Variants in FEV observed in about 807,000 individuals in gnomAD.
The protein encoded by FEV is FEV transcription factor, ETS family member, also known as protein FEV.
FEV carries 14 observed loss-of-function variants against 20.5 expected under a neutral mutation model. The ratio of observed to expected loss-of-function variants is 0.68; its 90% CI spans 0.45 to 1.07. FEV has a LOEUF of 1.07. FEV is among the 50% of genes least tolerant of loss of function. The pLI is 0.00. For missense variants in FEV, 301 were observed against 345.3 expected (o/e 0.87, Z 1.02); for synonymous variants, 188 against 163.7 (o/e 1.15, Z -1.13).
At position 218,984,933 on chromosome 2, in the gene FEV, C is replaced by T. The variant is rs1417872761; in HGVS notation, c.52+91G>A. 8.3e-7 allele frequency: 1 copy of T among 1,211,164 alleles called. No homozygotes were observed. Among genetic ancestry groups the T allele is most frequent in the Non-Finnish European group, 1.2e-6 (1 of 838,636 alleles). 75.0% of individuals were successfully genotyped at this position (1,211,164 alleles called of 1,614,324 possible). On this transcript the variant is annotated intron_variant, in intron 1 of 2. Coordinates refer to ENST00000295727, the MANE Select transcript of FEV (RefSeq NM_017521.3). The surrounding 1 kb of genome is among the most constrained non-coding windows in gnomAD (Gnocchi z 5.0). Reference sequence around the variant, plus strand: ...CCCGAATCTCCGGACACTTCTCCTTCCCCTGGACCCCAGCACTCTCTTCCC... The same window carrying T: ...CCCGAATCTCCGGACACTTCTCCTTTCCCTGGACCCCAGCACTCTCTTCCC...
intron 2 of FEV, among the ~76,000 whole-genome samples, chr2:218,983,437 G>A (rs1454141923): frequency 6.6e-6 from 1 of 152,210 alleles, no homozygotes; most frequent in African/African-American, 2.4e-5. Context: ...CTTCAAGCCA[G>A]CCCAGCAAAG....
At position 218,985,095 on chromosome 2, in the gene FEV, G is replaced by A. The variant is rs756420197; in HGVS notation, c.-20C>T. On this transcript the variant is annotated 5_prime_UTR_variant, in exon 1 of 3. Coordinates refer to ENST00000295727, the MANE Select transcript of FEV (RefSeq NM_017521.3). ...TCTCATCGCCGCCGGGGACTGGGCG[G>A]TGGGAGATGGGGGGGACGGGGAAGG... 7 of 1,530,548 alleles carry A rather than the reference G, an allele frequency of 4.6e-6. No individual in the cohort carries two copies. The East Asian group carries it at 7.6e-5, about 17-fold the overall frequency. The allele number at this position is 1,530,548 out of a possible 1,614,324, so 94.8% of individuals were successfully genotyped here.
In FEV at chr2:218,984,394, G is replaced by T. The variant is rs1336683075; in HGVS notation, c.53-89C>A. ...GGCCCCGGGCCAAGGCTTAAGGGGG[G>T]TGCTGTGGTCCCCAGGCGCGAGGCT... On this transcript the variant is annotated intron_variant, in intron 1 of 2. Coordinates refer to ENST00000295727, the MANE Select transcript of FEV (RefSeq NM_017521.3). This position sits in a 1 kb window ranked among gnomAD's most constrained non-coding sequence, Gnocchi z 5.0. 3.9e-6 allele frequency: 5 copies of T among 1,294,514 alleles called. No individual in the cohort carries two copies. The highest frequency in any genetic ancestry group is 1.5e-5 in the South Asian group (1 of 67,484). The allele number at this position is 1,294,514 out of a possible 1,614,324, so 80.2% of individuals were successfully genotyped here.
At position 218,981,797 on chromosome 2, in the gene FEV, G is replaced by T. The variant is rs1459252291; in HGVS notation, c.587C>A (p.Pro196Gln). 1.3e-5 allele frequency: 16 copies of T among 1,253,912 alleles called. No homozygotes were observed. Among genetic ancestry groups the T allele is most frequent in the African/African-American group, 3.1e-5 (2 of 64,056 alleles). 77.7% of individuals were successfully genotyped at this position (1,253,912 alleles called of 1,614,324 possible). A position where few individuals can be genotyped will look rare whatever the true frequency, so the allele number is the denominator to read the frequency against. Residue 196 changes from proline (P) to glutamine (Q), a missense_variant, in exon 3 of 3, where the codon CCG (proline) becomes CAG (glutamine). Transcript: ENST00000295727. The surrounding 1 kb of genome is among the most constrained non-coding windows in gnomAD (Gnocchi z 4.5). ...GVAPAGFSYW[P>Q]GPGPAATAAA... is the part of the protein sequence containing the mutation. ...AGCGGTGGCGGCGGGGCCCGGGCCC[G>T]GCCAGTAGGAGAAGCCGGCGGGCGC...
rs546967536 is a variant in FEV at position 218,981,694 on chromosome 2, G to T, written c.690C>A (p.Ala230=). 1.5e-4 allele frequency: 195 copies of T among 1,342,696 alleles called. 2 individuals are homozygous for T. The East Asian group carries it at 5.2e-3, about 36-fold the overall frequency. The allele number at this position is 1,342,696 out of a possible 1,614,324, so 83.2% of individuals were successfully genotyped here. Reference sequence around the variant, plus strand: ...AGTGGTAATGGCCCCCCAAGTGCGAGGCTGCGGCCACGGCCCCGAAGGGCC... The same window carrying T: ...AGTGGTAATGGCCCCCCAAGTGCGATGCTGCGGCCACGGCCCCGAAGGGCC... ...PPGPFGAVAA[A]SHLGGHYH The change falls in exon 3 of 3, where the codon GCC becomes GCA. Residue 230 remains alanine, a synonymous_variant. Transcript: ENST00000295727. The surrounding 1 kb of genome is among the most constrained non-coding windows in gnomAD (Gnocchi z 4.5).
chr2:218,981,946 G>T lies in FEV; in HGVS notation c.438C>A (p.Ala146=). ...QPPPAHAHAA[A]AAAAAAAAAQ... ...CGGCCGCGGCGGCGGCAGCAGCTGC[G>T]GCGGCGGCATGAGCGTGCGCGGGCG... The change falls in exon 3 of 3, where the codon GCC becomes GCA. Residue 146 remains alanine, a synonymous_variant. Coordinates refer to ENST00000295727, the MANE Select transcript of FEV (RefSeq NM_017521.3). The surrounding 1 kb of genome is among the most constrained non-coding windows in gnomAD (Gnocchi z 4.5). 2.8e-6 allele frequency: 4 copies of T among 1,443,516 alleles called. No homozygotes were observed. Among genetic ancestry groups the T allele is most frequent in the Non-Finnish European group, 3.6e-6 (4 of 1,102,814 alleles). The allele number at this position is 1,443,516 out of a possible 1,614,324, so 89.4% of individuals were successfully genotyped here.
At chr2:218,982,531 G>A (rs1248038542) in intron 2 of FEV, among the ~76,000 whole-genome samples, 1 of 152,158 alleles carries the variant, frequency 6.6e-6, no homozygotes, top group Non-Finnish European at 1.5e-5. Context: ...GAACTTGGGG[G>A]TTGGGGGGAA....
At position 218,981,971 on chromosome 2, in the gene FEV, G is replaced by C. The variant is rs766366402; in HGVS notation, c.413C>G (p.Pro138Arg). The stretch of plus-strand genomic sequence containing the variant: ...GGCGGCGGCATGAGCGTGCGCGGGC[G>C]GCGGCTGGCAGGCCTGCGCCAGGCC... ...FQGLAQACQP[P>R]PAHAHAAAAA... The change falls in exon 3 of 3, where the codon CCG becomes CGG. Residue 138 changes from proline (P) to arginine (R), a missense_variant. Pro to Arg is a moderately radical substitution (Grantham distance 103). Transcript: ENST00000295727. The surrounding 1 kb of genome is among the most constrained non-coding windows in gnomAD (Gnocchi z 4.5). 20 of 1,564,710 alleles carry C rather than the reference G, an allele frequency of 1.3e-5. No individual in the cohort carries two copies. Among genetic ancestry groups the C allele is most frequent in the Non-Finnish European group, 1.7e-5 (20 of 1,160,188 alleles).
chr2:218,981,723 G>A lies in FEV; in HGVS notation c.661C>T (p.Pro221Ser). The change falls in exon 3 of 3, where the codon CCC becomes TCC. Residue 221 changes from proline to serine, a missense_variant. Coordinates refer to ENST00000295727, the MANE Select transcript of FEV (RefSeq NM_017521.3). This position sits in a 1 kb window ranked among gnomAD's most constrained non-coding sequence, Gnocchi z 4.5. The part of the protein sequence containing the change: ...LYPSPSLQPP[P>S]GPFGAVAAAS... Reference sequence around the variant, plus strand: ...GCGGCCACGGCCCCGAAGGGCCCGGGCGGGGGCTGCAAGCTGGGACTGGGG... The same window carrying A: ...GCGGCCACGGCCCCGAAGGGCCCGGACGGGGGCTGCAAGCTGGGACTGGGG... 3.0e-6 allele frequency: 4 copies of A among 1,334,312 alleles called. No homozygotes were observed. The highest frequency in any genetic ancestry group is 3.8e-6 in the Non-Finnish European group (4 of 1,049,370). 82.7% of individuals were successfully genotyped at this position (1,334,312 alleles called of 1,614,324 possible). A position where few individuals can be genotyped will look rare whatever the true frequency, so the allele number is the denominator to read the frequency against.
Position 218,982,179 on chromosome 2 carries a change from C to T in FEV, c.205G>A (p.Glu69Lys). ...DRANAGCIAW[E>K]GGHGEFKLTD... ...AGCTTGAACTCGCCGTGACCGCCCT[C>T]CCACGCGATGCAGCCGGCGTTCGCG... Residue 69 changes from glutamate to lysine, a missense_variant, in exon 3 of 3, where the codon GAG (glutamate) becomes AAG (lysine). Glu to Lys is a moderately conservative substitution (Grantham distance 56). Coordinates refer to ENST00000295727, the MANE Select transcript of FEV (RefSeq NM_017521.3). 1 of 1,612,618 alleles carries T rather than the reference C, an allele frequency of 6.2e-7. No homozygotes were observed. The highest frequency in any genetic ancestry group is 1.1e-5 in the South Asian group (1 of 91,014).
rs1476902855 is a variant in FEV, at chr2:218,984,201, C to A, written c.127+30G>T. The A allele has an allele frequency of 6.4e-7, 1 of 1,563,688 alleles. No homozygotes were observed. The highest frequency in any genetic ancestry group is 1.2e-5 in the South Asian group (1 of 84,888). On this transcript the variant is annotated intron_variant, in intron 2 of 2. Transcript: ENST00000295727. This position sits in a 1 kb window ranked among gnomAD's most constrained non-coding sequence, Gnocchi z 5.0. ...GTGCCCTGACCCCAACCAACCTCGCCTCCGCCGCCCAGCGCGCCGGCCATC... is the reference window on the plus strand; with the variant it reads ...GTGCCCTGACCCCAACCAACCTCGCATCCGCCGCCCAGCGCGCCGGCCATC...
In FEV at chr2:218,984,465, C is replaced by A. The variant is rs1046574691; in HGVS notation, c.53-160G>T. 3.3e-5 allele frequency: 21 copies of A among 628,808 alleles called. No homozygotes were observed. The highest frequency in any genetic ancestry group is 2.5e-4 in the South Asian group (10 of 39,572). 39.0% of individuals were successfully genotyped at this position (628,808 alleles called of 1,614,324 possible). On this transcript the variant is annotated intron_variant, in intron 1 of 2. Transcript: ENST00000295727. The surrounding 1 kb of genome is among the most constrained non-coding windows in gnomAD (Gnocchi z 5.0). ...TCCTCCTCCCGGAGCCTGGTCCAGGCGCGCTGCGCGGAGCCCCTCCATAGA... is the reference window on the plus strand; with the variant it reads ...TCCTCCTCCCGGAGCCTGGTCCAGGAGCGCTGCGCGGAGCCCCTCCATAGA...
intron 2 of FEV, among the ~76,000 whole-genome samples, chr2:218,982,815 A>G (rs1429105990): frequency 6.6e-6 from 1 of 152,184 alleles, no homozygotes; most frequent in African/African-American, 2.4e-5. Context: ...CGAGTCCCCA[A>G]AGACGTAGTT....
chr2:218,982,022 C>A lies in FEV; in HGVS notation c.362G>T (p.Arg121Leu). ...KNIMSKVHGK[R>L]YAYRFDFQGL... ...CTGGAAGTCGAAGCGGTAGGCGTAG[C>A]GCTTGCCATGCACCTTGCTCATGAT... Residue 121 changes from arginine (R) to leucine (L), a missense_variant, in exon 3 of 3, where the codon CGC (arginine) becomes CTC (leucine). By Grantham distance (102) the Arg-to-Leu change is moderately radical. Coordinates refer to ENST00000295727, the MANE Select transcript of FEV (RefSeq NM_017521.3). 6.2e-7 allele frequency: 1 copy of A among 1,613,342 alleles called. No homozygotes were observed. The highest frequency in any genetic ancestry group is 8.5e-7 in the Non-Finnish European group (1 of 1,179,742).
At position 218,984,135 on chromosome 2, in the gene FEV, G is replaced by T; in HGVS notation, c.127+96C>A. 1 of 1,274,954 alleles carries T rather than the reference G, an allele frequency of 7.8e-7. No individual in the cohort carries two copies. The highest frequency in any genetic ancestry group is 1.1e-6 in the Non-Finnish European group (1 of 920,550). The allele number at this position is 1,274,954 out of a possible 1,614,324, so 79.0% of individuals were successfully genotyped here. A position where few individuals can be genotyped will look rare whatever the true frequency, so the allele number is the denominator to read the frequency against. On this transcript the variant is annotated intron_variant, in intron 2 of 2. Transcript: ENST00000295727. This position sits in a 1 kb window ranked among gnomAD's most constrained non-coding sequence, Gnocchi z 5.0. ...CCAGGCCAGGACTCCGGGCTTCAGT[G>T]TGAACCCTGGGTCCACACTGCTCCC... is the stretch of plus-strand genomic sequence containing the variant.
Position 218,985,183 on chromosome 2 carries a change from A to C in FEV, c.-108T>G. On this transcript the variant is annotated 5_prime_UTR_variant, in exon 1 of 3. Coordinates refer to ENST00000295727, the MANE Select transcript of FEV (RefSeq NM_017521.3). ...CCGCCCGAAGCGACCGCGGGTGACA[A>C]GGAGGAGAAGACGGCGCCGGGTCCG... 1.2e-6 allele frequency: 1 copy of C among 815,822 alleles called. No individual in the cohort carries two copies. The highest frequency in any genetic ancestry group is 1.8e-6 in the Non-Finnish European group (1 of 542,444). 50.5% of individuals were successfully genotyped at this position (815,822 alleles called of 1,614,324 possible).
At position 218,984,529 on chromosome 2, in the gene FEV, G is replaced by T. The variant is rs1945420864; in HGVS notation, c.53-224C>A. 4.2e-6 allele frequency: 2 copies of T among 475,558 alleles called. No individual in the cohort carries two copies. Among genetic ancestry groups the T allele is most frequent in the Admixed American group, 7.5e-5 (2 of 26,570 alleles). The allele number at this position is 475,558 out of a possible 1,614,324, so 29.5% of individuals were successfully genotyped here. A position where few individuals can be genotyped will look rare whatever the true frequency, so the allele number is the denominator to read the frequency against. Reference sequence around the variant, plus strand: ...AACGCGTCCAGGAAAAAGGAAATCCGCTTTCCGAAGGGGCCGGCTGGAGCC... The same window carrying T: ...AACGCGTCCAGGAAAAAGGAAATCCTCTTTCCGAAGGGGCCGGCTGGAGCC... On this transcript the variant is annotated intron_variant, in intron 1 of 2. Transcript: ENST00000295727. This position sits in a 1 kb window ranked among gnomAD's most constrained non-coding sequence, Gnocchi z 5.0.
chr2:218,982,355 A>C lies in FEV; in HGVS notation c.128-99T>G, dbSNP rs1462881615. On this transcript the variant is annotated intron_variant, in intron 2 of 2. Transcript: ENST00000295727. ...CTGACCCACCCCGGCAGGAACCGGC[A>C]CTGGGGGAGGAAAAGTGCAAGTCAA... The C allele has an allele frequency of 5.4e-6, 6 of 1,101,452 alleles. No individual in the cohort carries two copies. The East Asian group carries it at 1.6e-4, about 28-fold the overall frequency. The allele number at this position is 1,101,452 out of a possible 1,614,324, so 68.2% of individuals were successfully genotyped here. A position where few individuals can be genotyped will look rare whatever the true frequency, so the allele number is the denominator to read the frequency against.
At chr2:218,982,418 G>A (rs1945399548) in intron 2 of FEV, among the ~76,000 whole-genome samples, 162 bp from the exon 3 acceptor site, 1 of 152,186 alleles carries the variant, frequency 6.6e-6, no homozygotes, top group African/African-American at 2.4e-5. Context: ...CGGCCCCGGA[G>A]GGGCTGATCA....
Sources: allele counts gnomAD v4.1 joint callset (sites outside exome capture counted in the v4.1 genomes callset), GRCh38; gene constraint gnomAD v4.1.1; non-coding constraint Gnocchi (gnomAD v3.1); transcripts MANE v1.5; gene names NCBI Gene and HGNC (gene_info 2026-07-23, HGNC 2026-07-21).